UBE2E2: variants seen among roughly 807,000 people sequenced by gnomAD.
UBE2E2 encodes ubiquitin conjugating enzyme E2 E2, also known as ubiquitin-conjugating enzyme E2 E2.
In UBE2E2, 6 loss-of-function variants were observed where a neutral mutation model predicts 24.7. That is an observed-to-expected ratio of 0.24 (90% CI 0.13 to 0.48). The LOEUF (loss-of-function observed/expected upper bound fraction) is 0.48, where lower values mean the gene tolerates loss of function less well. UBE2E2 is among the 20% of genes least tolerant of loss of function. The probability of loss-of-function intolerance (pLI) is 0.99; values close to 1 mark genes in which losing one functional copy is unlikely to be tolerated. For missense variants in UBE2E2, 169 were observed against 245.0 expected, an observed-to-expected ratio of 0.69 and a Z score of 2.07; for synonymous variants, 104 against 83.6, an observed-to-expected ratio of 1.24 and a Z score of -1.33.
At chr3:23,204,519 G>T (rs1359196306) in intron 1 of UBE2E2, 1 of 208,366 alleles carries the variant, frequency 4.8e-6, no homozygotes, top group Non-Finnish European at 8.4e-6. Flanking sequence ...TCTTTAAAAA[G>T]TATGTTTCTA....
chr3:23,445,244 A>G (rs1030335761), intron 3 of UBE2E2, among the ~76,000 whole-genome samples: 3 of 152,162 alleles, frequency 2.0e-5, no homozygotes, highest in Admixed American at 6.5e-5. Context: ...TATTCACCTC[A>G]TTGTTGATAT....
At chr3:23,544,795 A>G (rs911396907) in intron 5 of UBE2E2, among the ~76,000 whole-genome samples, 8 of 152,240 alleles carry the variant, frequency 5.3e-5, no homozygotes, top group Non-Finnish European at 1.2e-4. Flanking sequence ...AGCGTTCAGC[A>G]TATGGAGGAT....
At chr3:23,286,997 T>A (rs982161504) in intron 3 of UBE2E2, among the ~76,000 whole-genome samples, 1 of 152,188 alleles carries the variant, frequency 6.6e-6, no homozygotes, top group African/African-American at 2.4e-5. Context: ...TGGGTATCCT[T>A]TTTATGTTCC....
chr3:23,431,370 C>T (rs1698056645), intron 3 of UBE2E2, among the ~76,000 whole-genome samples: 1 of 152,088 alleles, frequency 6.6e-6, no homozygotes, highest in African/African-American at 2.4e-5. Context: ...AAGATGCTTT[C>T]CTGAATGTTT....
chr3:23,500,396 T>A (rs1171620834), intron 4 of UBE2E2, among the ~76,000 whole-genome samples: 1 of 152,236 alleles, frequency 6.6e-6, no homozygotes, highest in Non-Finnish European at 1.5e-5. Flanking sequence ...GAATCCTCAC[T>A]TATTTAAGCC....
intron 3 of UBE2E2, chr3:23,450,091 T>C (rs745907833): frequency 3.0e-5 from 6 of 201,078 alleles, no homozygotes; most frequent in Admixed American, 1.3e-4. Context: ...TTTCATCCCT[T>C]AAACATTTCA....
intron 4 of UBE2E2, among the ~76,000 whole-genome samples, chr3:23,510,412 G>T (rs1437151006): frequency 2.0e-5 from 3 of 152,130 alleles, no homozygotes; most frequent in South Asian, 4.1e-4. Context: ...TTTGAGCCCA[G>T]CTTGACCAAC....
intron 3 of UBE2E2, among the ~76,000 whole-genome samples, chr3:23,392,085 T>G (rs779630308): frequency 6.6e-6 from 1 of 152,144 alleles, no homozygotes; most frequent in Non-Finnish European, 1.5e-5. Flanking sequence ...TATTGGGTAT[T>G]AGAAGAATTG....
chr3:23,348,417 A>C (rs1489644984), intron 3 of UBE2E2, among the ~76,000 whole-genome samples: 3 of 152,102 alleles, frequency 2.0e-5, no homozygotes, highest in Admixed American at 1.3e-4. Context: ...AGAACAGGGA[A>C]GCTTAATTGT....
intron 3 of UBE2E2, among the ~76,000 whole-genome samples, chr3:23,495,095 A>G (rs1477279404): frequency 6.6e-6 from 1 of 152,176 alleles, no homozygotes; most frequent in African/African-American, 2.4e-5. Flanking sequence ...TGTTTTCAAG[A>G]TAATTTGTTG....
At chr3:23,385,080 A>G (rs768773677) in intron 3 of UBE2E2, among the ~76,000 whole-genome samples, 5 of 152,034 alleles carry the variant, frequency 3.3e-5, no homozygotes, top group Admixed American at 2.0e-4. Flanking sequence ...ACGGGCGCAC[A>G]CTACCACACC....
intron 3 of UBE2E2, among the ~76,000 whole-genome samples, chr3:23,332,341 A>G (rs1222862845): frequency 6.6e-6 from 1 of 152,152 alleles, no homozygotes; most frequent in East Asian, 1.9e-4. Flanking sequence ...ATGGGGCTTC[A>G]TGATGTTGCC....
At chr3:23,481,249 A>G (rs1445868922) in intron 3 of UBE2E2, among the ~76,000 whole-genome samples, 2 of 152,176 alleles carry the variant, frequency 1.3e-5, no homozygotes, top group African/African-American at 2.4e-5. Context: ...CAGCTTTAAC[A>G]TTTCTATCCT....
rs150583507 is a variant in UBE2E2, at chr3:23,389,498, A to G, written c.228-110110A>G. On this transcript the variant is annotated intron_variant, in intron 3 of 5. Transcript: ENST00000396703. ...ATTAGGGAAAAGGAAATCTGGAGAG[A>G]GTGAAAGGTGCAGTGCTTTCTCCAA... Among the ~76,000 whole-genome samples, 25 of 152,302 alleles carry G rather than the reference A, an allele frequency of 1.6e-4. No individual in the cohort carries two copies. In the East Asian group the frequency reaches 4.6e-3, roughly 28 times the overall value.
intron 3 of UBE2E2, among the ~76,000 whole-genome samples, chr3:23,366,350 C>T (rs1289807428): frequency 2.0e-5 from 3 of 152,148 alleles, no homozygotes; most frequent in South Asian, 2.1e-4. Context: ...TCCACAAAGA[C>T]GCATGTGTGT....
chr3:23,328,227 A>G (rs930973627), intron 3 of UBE2E2, among the ~76,000 whole-genome samples: 2 of 152,230 alleles, frequency 1.3e-5, no homozygotes, highest in Non-Finnish European at 2.9e-5. Flanking sequence ...AAAAAATTAC[A>G]TTAGATAATC....
intron 4 of UBE2E2, among the ~76,000 whole-genome samples, chr3:23,528,340 C>T (rs1695046969): frequency 6.6e-6 from 1 of 152,084 alleles, no homozygotes; most frequent in South Asian, 2.1e-4. Flanking sequence ...TTCTGCCAAG[C>T]TACTGGTTTA....
intron 3 of UBE2E2, among the ~76,000 whole-genome samples, chr3:23,405,812 C>A (rs1267413350): frequency 6.6e-6 from 1 of 152,098 alleles, no homozygotes; most frequent in African/African-American, 2.4e-5. Context: ...AAGGCATTCC[C>A]AAATTTGCAT....
At chr3:23,271,966 C>A (rs534050243) in intron 3 of UBE2E2, among the ~76,000 whole-genome samples, 1 of 152,240 alleles carries the variant, frequency 6.6e-6, no homozygotes, top group South Asian at 2.1e-4. Context: ...CAGCTGGCTT[C>A]GCCTAGTGGA....
Sources: allele counts gnomAD v4.1 joint callset (sites outside exome capture counted in the v4.1 genomes callset), GRCh38; gene constraint gnomAD v4.1.1; transcripts MANE v1.5; gene names NCBI Gene and HGNC (gene_info 2026-07-23, HGNC 2026-07-21).